Variants in CFAP299 observed in about 807,000 individuals in gnomAD.
CFAP299 encodes cilia and flagella associated protein 299, also known as cilia- and flagella-associated protein 299.
CFAP299 carries 21 observed loss-of-function variants against 27.0 expected under a neutral mutation model. That is an observed-to-expected ratio of 0.78 (90% CI 0.55 to 1.12). The LOEUF is 1.12. CFAP299 is among the 50% of genes most tolerant of loss of function. The pLI, the probability that CFAP299 is intolerant of heterozygous loss-of-function variation, is 0.00. For synonymous variants in CFAP299, 104 were observed against 98.1 expected (o/e 1.06, Z -0.36); for missense variants, 310 against 276.6 (o/e 1.12, Z -0.86).
chr4:80,756,844 T>C (rs554760763), intron 3 of CFAP299, among the ~76,000 whole-genome samples: 2 of 152,290 alleles, frequency 1.3e-5, no homozygotes, highest in South Asian at 2.1e-4. Flanking sequence ...AGAAATATTT[T>C]AAAGATAAAA....
chr4:80,457,368 T>C (rs141353383), intron 2 of CFAP299, among the ~76,000 whole-genome samples: 1 of 152,222 alleles, frequency 6.6e-6, no homozygotes, highest in African/African-American at 2.4e-5. Flanking sequence ...GAGAGTCAAA[T>C]AGGTTATCAT....
At chr4:80,754,804 A>G (rs1366545677) in intron 3 of CFAP299, among the ~76,000 whole-genome samples, 1 of 152,054 alleles carries the variant, frequency 6.6e-6, no homozygotes, top group Non-Finnish European at 1.5e-5. Flanking sequence ...GTATGCATGC[A>G]CTTGCACTCT....
chr4:80,748,358 C>G (rs1473237849), intron 3 of CFAP299, among the ~76,000 whole-genome samples: 1 of 151,980 alleles, frequency 6.6e-6, no homozygotes, highest in African/African-American at 2.4e-5. Flanking sequence ...TTGCTTAAAC[C>G]TTGAAATAAT....
chr4:80,576,200 AT>A (rs1313163293), intron 2 of CFAP299, among the ~76,000 whole-genome samples: 76 of 11,382 alleles, frequency 6.7e-3, no homozygotes, highest in African/African-American at 0.011. Context: ...AAAAAAAAAT[AT>A]ATATATATAT....
At chr4:80,905,464 G>C (rs556579851) in intron 4 of CFAP299, among the ~76,000 whole-genome samples, 3 of 152,042 alleles carry the variant, frequency 2.0e-5, no homozygotes, top group Non-Finnish European at 4.4e-5. Flanking sequence ...TCAGGAAATT[G>C]ATATTTTTTT....
chr4:80,935,181 A>G (rs1736826509), intron 4 of CFAP299, among the ~76,000 whole-genome samples: 1 of 151,976 alleles, frequency 6.6e-6, no homozygotes, highest in South Asian at 2.1e-4. Flanking sequence ...GAATTTTCCA[A>G]CTTTCCTCAC....
intron 3 of CFAP299, among the ~76,000 whole-genome samples, chr4:80,692,306 T>A (rs1720767766): frequency 6.6e-6 from 1 of 151,652 alleles, no homozygotes; most frequent in Non-Finnish European, 1.5e-5. Flanking sequence ...ACTACAAGGC[T>A]ACAGTAACCA....
chr4:80,749,609 GC>G (rs773826280), intron 3 of CFAP299, among the ~76,000 whole-genome samples: 1 of 152,288 alleles, frequency 6.6e-6, no homozygotes, highest in Non-Finnish European at 1.5e-5. Flanking sequence ...TGGCCAAAGT[GC>G]CAAGAGCCAC....
rs138971208 is a variant in CFAP299 at position 80,423,963 on chromosome 4, C to T, written c.242+61079C>T. ...GCTGGCTCCCAAGGCAGTCACTCAC[C>T]TTTCTGCAGGTGGTCCTTCCGGGTG... On this transcript the variant is annotated intron_variant, in intron 2 of 5. Transcript: ENST00000358105. Among the ~76,000 whole-genome samples, 631 of 152,304 alleles carry T rather than the reference C, an allele frequency of 4.1e-3. 1 individual carries two copies. Among genetic ancestry groups the T allele is most frequent in the African/African-American group, 0.015 (612 of 41,562 alleles).
At chr4:80,323,671 T>A in the CFAP299 span, among the ~76,000 whole-genome samples, 2 of 152,188 alleles carry the variant, frequency 1.3e-5, no homozygotes, top group African/African-American at 4.8e-5. Context: ...GTTAATAAAT[T>A]ATATAAACCT....
intron 3 of CFAP299, among the ~76,000 whole-genome samples, chr4:80,805,146 A>C (rs1728799694): frequency 6.6e-6 from 1 of 152,046 alleles, no homozygotes; most frequent in Non-Finnish European, 1.5e-5. Context: ...CTTTATTGAA[A>C]TTTTTATTTT....
intron 2 of CFAP299, among the ~76,000 whole-genome samples, chr4:80,370,542 G>A (rs1385586336): frequency 2.6e-5 from 4 of 152,230 alleles, no homozygotes; most frequent in African/African-American, 9.6e-5. Flanking sequence ...AGGATACAAT[G>A]GGGGATAGGC....
chr4:80,713,872 G>A (rs1209115639), intron 3 of CFAP299, among the ~76,000 whole-genome samples: 1 of 152,142 alleles, frequency 6.6e-6, no homozygotes, highest in Non-Finnish European at 1.5e-5. Context: ...CTTTGTGGCT[G>A]CTTTTGCATT....
chr4:80,881,277 G>T (rs7667957), intron 4 of CFAP299, among the ~76,000 whole-genome samples: 6,134 of 152,202 alleles, frequency 0.04, 434 homozygotes, highest in African/African-American at 0.14. Context: ...CATAACAGAG[G>T]TTCTTCCTCC....
chr4:80,860,562 A>T (rs1012103167), intron 3 of CFAP299, among the ~76,000 whole-genome samples: 1 of 151,992 alleles, frequency 6.6e-6, no homozygotes, highest in Non-Finnish European at 1.5e-5. Flanking sequence ...GTCTTTGATG[A>T]TGGTGATGTA....
At chr4:80,504,442 A>G (rs1240440033) in intron 2 of CFAP299, among the ~76,000 whole-genome samples, 1 of 123,222 alleles carries the variant, frequency 8.1e-6, no homozygotes, top group Non-Finnish European at 1.6e-5. Flanking sequence ...ATTTTTACTG[A>G]AATTTTGCTT....
intron 2 of CFAP299, among the ~76,000 whole-genome samples, chr4:80,408,950 G>A (rs527543054): frequency 4.0e-5 from 6 of 151,028 alleles, no homozygotes; most frequent in South Asian, 2.1e-4. Context: ...CATTGGTGGT[G>A]TGTGCTTGTA....
chr4:80,427,300 T>C (rs993171012), intron 2 of CFAP299, among the ~76,000 whole-genome samples: 4 of 152,188 alleles, frequency 2.6e-5, no homozygotes, highest in Non-Finnish European at 5.9e-5. Context: ...TATCACTGAT[T>C]AACATTTTTA....
intron 1 of CFAP299, among the ~76,000 whole-genome samples, chr4:80,340,370 C>T (rs147057329): frequency 1.4e-3 from 212 of 152,322 alleles, no homozygotes; most frequent in African/African-American, 4.7e-3. Flanking sequence ...TGTGCAAAGT[C>T]TCAGCAGAGT....
Sources: gnomAD v4.1 joint callset for allele counts (sites outside exome capture counted in the v4.1 genomes callset) on GRCh38, gnomAD v4.1.1 for gene constraint, MANE v1.5 for transcripts, NCBI Gene and HGNC (gene_info 2026-07-23, HGNC 2026-07-21) for gene names.